The following PLCB1 variants were observed in gnomAD, a reference collection of about 807,000 sequenced individuals.
PLCB1 encodes phospholipase C beta 1.
A neutral mutation model predicts 161.8 loss-of-function variants in PLCB1; 46 were observed. The ratio of observed to expected loss-of-function variants is 0.28; its 90% CI spans 0.22 to 0.36. The LOEUF (loss-of-function observed/expected upper bound fraction) is 0.36, where lower values mean the gene tolerates loss of function less well. PLCB1 is among the 10% of genes least tolerant of loss of function. PLCB1 has a pLI of 1.00. For synonymous variants in PLCB1, 517 were observed against 503.7 expected (o/e 1.03, Z -0.35); for missense variants, 1,016 against 1,472.5 (o/e 0.69, Z 5.07).
At chr20:8,644,198 G>T (rs1484413663) in intron 4 of PLCB1, among the ~76,000 whole-genome samples, 12 of 152,294 alleles carry the variant, frequency 7.9e-5, no homozygotes, top group Admixed American at 7.2e-4. Context: ...CGAGATTGCA[G>T]CCTCTGCCCG....
At chr20:8,579,445 C>T (rs1422448786) in intron 3 of PLCB1, among the ~76,000 whole-genome samples, 4 of 152,190 alleles carry the variant, frequency 2.6e-5, no homozygotes, top group Admixed American at 1.3e-4. Context: ...CCCATACAAG[C>T]GTAAGCTAAA....
chr20:8,644,724 C>T (rs951179954), intron 4 of PLCB1, among the ~76,000 whole-genome samples: 149 of 151,268 alleles, frequency 9.9e-4, no homozygotes, highest in African/African-American at 3.1e-3. Context: ...GCCCCCCGCC[C>T]TGCCAGCCGC....
intron 2 of PLCB1, among the ~76,000 whole-genome samples, chr20:8,357,685 G>GA (rs1277034943): frequency 6.6e-6 from 1 of 151,932 alleles, no homozygotes; most frequent in South Asian, 2.1e-4. Context: ...AAAGAAAAAA[G>GA]AAAAAAATGA....
At chr20:8,225,158 C>G (rs969202434) in intron 2 of PLCB1, among the ~76,000 whole-genome samples, 1 of 152,162 alleles carries the variant, frequency 6.6e-6, no homozygotes, top group Non-Finnish European at 1.5e-5. Context: ...AGTATCTCAG[C>G]AAGAAAAGGA....
At chr20:8,601,126 C>A (rs1430985167) in intron 3 of PLCB1, among the ~76,000 whole-genome samples, 1 of 151,988 alleles carries the variant, frequency 6.6e-6, no homozygotes, top group Non-Finnish European at 1.5e-5. Context: ...GGCTCCTCCC[C>A]CTGTCTATAC....
At chr20:8,695,809 T>A (rs1990572666) in intron 10 of PLCB1, among the ~76,000 whole-genome samples, 1 of 152,230 alleles carries the variant, frequency 6.6e-6, no homozygotes, top group African/African-American at 2.4e-5. Flanking sequence ...AATGGGCCTG[T>A]TGCAAGAGCT....
chr20:8,317,239 T>C (rs1332006004), intron 2 of PLCB1, among the ~76,000 whole-genome samples: 3 of 152,134 alleles, frequency 2.0e-5, no homozygotes, highest in African/African-American at 7.2e-5. Flanking sequence ...TAGAAACACA[T>C]AAAGTTCTCA....
chr20:8,552,652 AG>A (rs1274404797), intron 3 of PLCB1, among the ~76,000 whole-genome samples: 2 of 152,200 alleles, frequency 1.3e-5, no homozygotes, highest in African/African-American at 2.4e-5. Flanking sequence ...AATATTCATA[AG>A]AAATGAAATA....
chr20:8,278,271 T>TAAATATATATTTATATAATATATAAA (rs1568615247), intron 2 of PLCB1, among the ~76,000 whole-genome samples: 2 of 146,458 alleles, frequency 1.4e-5, no homozygotes, highest in Admixed American at 6.9e-5. Context: ...TATAAATATA[T>TAAATATATATTTATATAATATATAAA]TATATAAATA....
intron 11 of PLCB1, among the ~76,000 whole-genome samples, chr20:8,705,964 C>T (rs975946319): frequency 2.6e-5 from 4 of 152,204 alleles, no homozygotes; most frequent in Admixed American, 2.0e-4. Context: ...GTGTGGAATA[C>T]AGCGGCAAGT....
At chr20:8,763,722 A>G (rs1042816158) in intron 25 of PLCB1, among the ~76,000 whole-genome samples, 2 of 151,904 alleles carry the variant, frequency 1.3e-5, no homozygotes, top group African/African-American at 4.8e-5. Flanking sequence ...GGGTTTCACC[A>G]TGTTGGCCAG....
At chr20:8,838,472 A>G (rs1181308220) in intron 31 of PLCB1, among the ~76,000 whole-genome samples, 1 of 152,194 alleles carries the variant, frequency 6.6e-6, no homozygotes, top group Middle Eastern at 3.2e-3. Context: ...GAAGTTCATG[A>G]GTCTCTAAAC....
At chr20:8,719,856 G>T (rs1979530525) in intron 14 of PLCB1, among the ~76,000 whole-genome samples, 2 of 151,816 alleles carry the variant, frequency 1.3e-5, no homozygotes, top group South Asian at 4.1e-4. Context: ...GACAATCAGG[G>T]TTAAAAAAAA....
At chr20:8,709,588 T>G (rs1288220283) in intron 12 of PLCB1, among the ~76,000 whole-genome samples, 1 of 152,214 alleles carries the variant, frequency 6.6e-6, no homozygotes, top group African/African-American at 2.4e-5. Context: ...TGAGCCTCTT[T>G]GTCCAAGTAA....
chr20:8,824,792 A>C (rs1458083336), intron 31 of PLCB1, among the ~76,000 whole-genome samples: 1 of 152,228 alleles, frequency 6.6e-6, no homozygotes, highest in African/African-American at 2.4e-5. Context: ...AAATCCATAA[A>C]AAATAATTGG....
chr20:8,290,946 A>G (rs1416226171), intron 2 of PLCB1, among the ~76,000 whole-genome samples: 3 of 151,954 alleles, frequency 2.0e-5, no homozygotes, highest in Middle Eastern at 3.2e-3. Flanking sequence ...GATTGTGCAT[A>G]GTGTAAAGTG....
chr20:8,304,992 A>G (rs1258790675), intron 2 of PLCB1, among the ~76,000 whole-genome samples: 1 of 152,208 alleles, frequency 6.6e-6, no homozygotes, highest in Non-Finnish European at 1.5e-5. Context: ...CATTGCTATC[A>G]TCTACTCCAC....
At chr20:8,609,095 A>C (rs1189684359) in intron 3 of PLCB1, among the ~76,000 whole-genome samples, 1 of 152,184 alleles carries the variant, frequency 6.6e-6, no homozygotes. Flanking sequence ...TGAAAGTGTT[A>C]ATTTCCTCCA....
At chr20:8,783,346 T>C (rs2146213789) in intron 27 of PLCB1, among the ~76,000 whole-genome samples, 1 of 152,350 alleles carries the variant, frequency 6.6e-6, no homozygotes, top group South Asian at 2.1e-4. Context: ...AATGGCTCTT[T>C]GAACAGAGCC....
Sources: allele counts gnomAD v4.1 joint callset (sites outside exome capture counted in the v4.1 genomes callset), GRCh38; gene constraint gnomAD v4.1.1; transcripts MANE v1.5; gene names NCBI Gene and HGNC (gene_info 2026-07-23, HGNC 2026-07-21).